The following PLEKHD1 variants were observed in gnomAD, a reference collection of about 807,000 sequenced individuals.
The protein encoded by PLEKHD1 is pleckstrin homology domain-containing family D member 1.
Under a neutral mutation model 69.2 loss-of-function variants are expected in PLEKHD1, and 51 were observed. The ratio of observed to expected loss-of-function variants is 0.74; its 90% CI spans 0.59 to 0.93. PLEKHD1 has a LOEUF of 0.93. Ranked by LOEUF, PLEKHD1 falls within the 40% of genes least tolerant of loss-of-function variation. The pLI is 0.00. For synonymous variants in PLEKHD1, 236 were observed against 244.7 expected (o/e 0.96, Z 0.33); for missense variants, 584 against 641.0 (o/e 0.91, Z 0.96).
intron 4 of PLEKHD1, chr14:69,501,445 T>TA (rs1293798740): frequency 8.5e-6 from 3 of 354,130 alleles, no homozygotes; most frequent in Non-Finnish European, 1.6e-5. Flanking sequence ...TTCAGTAATG[T>TA]AAAAAAGCCA....
At chr14:69,525,671 G>A (rs1015773202) in intron 8 of PLEKHD1, among the ~76,000 whole-genome samples, 6 of 152,112 alleles carry the variant, frequency 3.9e-5, no homozygotes, top group Non-Finnish European at 8.8e-5. Flanking sequence ...GAGGAACCAG[G>A]ACCCCAGAAG....
upstream of PLEKHD1, among the ~76,000 whole-genome samples, chr14:69,484,370 A>G (rs150329324): frequency 2.5e-3 from 378 of 152,232 alleles, 3 homozygotes; most frequent in Middle Eastern, 0.01. Flanking sequence ...CGAGGCGAGC[A>G]GGTGTCTGCA....
intron 1 of PLEKHD1, 82 bp downstream of exon 1, chr14:69,485,196 G>T: frequency 7.0e-7 from 1 of 1,437,470 alleles, no homozygotes; most frequent in Non-Finnish European, 9.4e-7. Context: ...TCCAGTCGCC[G>T]TCGTGCCTCT....
chr14:69,507,875 AT>A (rs1024465992), intron 6 of PLEKHD1, among the ~76,000 whole-genome samples: 1 of 151,876 alleles, frequency 6.6e-6, no homozygotes, highest in Non-Finnish European at 1.5e-5. Flanking sequence ...CACTTGGCTA[AT>A]TTTTTTAAAT....
At chr14:69,469,057 G>A in the PLEKHD1 span, among the ~76,000 whole-genome samples, 1 of 152,196 alleles carries the variant, frequency 6.6e-6, no homozygotes, top group African/African-American at 2.4e-5. Context: ...CTCTTTGGCA[G>A]ATCAAGGATT....
At chr14:69,525,879 G>A (rs1358592314) in intron 8 of PLEKHD1, 65 bp from the exon 9 acceptor site, 1 of 1,461,072 alleles carries the variant, frequency 6.8e-7, no homozygotes, top group African/African-American at 1.4e-5. Context: ...GGAAAAGCAG[G>A]TGAGGGCAGC....
chr14:69,512,953 A>T (rs779673267), intron 6 of PLEKHD1, among the ~76,000 whole-genome samples: 2 of 151,976 alleles, frequency 1.3e-5, no homozygotes, highest in Non-Finnish European at 2.9e-5. Context: ...CACCAGGGAT[A>T]GTGGCATATG....
At chr14:69,513,096 G>A (rs1050268708) in intron 6 of PLEKHD1, among the ~76,000 whole-genome samples, 1 of 151,990 alleles carries the variant, frequency 6.6e-6, no homozygotes, top group African/African-American at 2.4e-5. Context: ...GTGCATGCCT[G>A]TAATCCTAGC....
chr14:69,477,900 A>G, the PLEKHD1 span, among the ~76,000 whole-genome samples: 7 of 152,140 alleles, frequency 4.6e-5, no homozygotes, highest in Middle Eastern at 3.2e-3. Context: ...TGGATCTACC[A>G]TTCTGGGGTC....
At chr14:69,527,672 C>T (rs891507708) in intron 11 of PLEKHD1, 111 bp from the exon 12 acceptor site, 29 of 1,361,726 alleles carry the variant, frequency 2.1e-5, no homozygotes, top group South Asian at 7.1e-5. Flanking sequence ...TCTCGAGGGA[C>T]GGGGTCAAAA....
chr14:69,484,082 C>T (rs567890726), upstream of PLEKHD1, among the ~76,000 whole-genome samples: 4 of 152,378 alleles, frequency 2.6e-5, no homozygotes, highest in Admixed American at 2.6e-4. Flanking sequence ...GAAATCCGAT[C>T]CGATGCGCGC....
intron 1 of PLEKHD1, among the ~76,000 whole-genome samples, chr14:69,497,338 C>T (rs531098194): frequency 2.6e-5 from 4 of 152,350 alleles, no homozygotes; most frequent in African/African-American, 9.6e-5. Flanking sequence ...TATGAAATTC[C>T]CTTGGAACAG....
chr14:69,480,384 A>G (rs1181904524), upstream of PLEKHD1, among the ~76,000 whole-genome samples: 1 of 152,230 alleles, frequency 6.6e-6, no homozygotes, highest in Non-Finnish European at 1.5e-5. Context: ...GAGTCGCAGC[A>G]TTCCTGGGTC....
chr14:69,500,684 C>T lies in PLEKHD1; in HGVS notation c.333+18C>T, dbSNP rs1594979404. On this transcript the variant is annotated intron_variant, in intron 3 of 12. Coordinates refer to ENST00000322564, the MANE Select transcript of PLEKHD1 (RefSeq NM_001161498.2). ...ACTTCCATGTGAGTAAAGCTCTTCC[C>T]TCAGCCTGGGCTCCGCAGGAGCAGA... 3 of 1,549,672 alleles carry T rather than the reference C, an allele frequency of 1.9e-6. No individual in the cohort carries two copies. The highest frequency in any genetic ancestry group is 1.7e-6 in the Non-Finnish European group (2 of 1,145,946).
upstream of PLEKHD1, among the ~76,000 whole-genome samples, chr14:69,480,919 T>C (rs1366463245): frequency 6.6e-6 from 1 of 152,182 alleles, no homozygotes; most frequent in East Asian, 1.9e-4. Context: ...TCCCAAAATG[T>C]TGGAATTACA....
intron 6 of PLEKHD1, among the ~76,000 whole-genome samples, chr14:69,516,030 A>G (rs2139521796): frequency 1.3e-5 from 2 of 152,286 alleles, no homozygotes; most frequent in Middle Eastern, 6.8e-3. Flanking sequence ...TTATTTAGAG[A>G]CAGGGTCTCA....
chr14:69,470,770 C>CTTTT, the PLEKHD1 span, among the ~76,000 whole-genome samples: 1 of 149,956 alleles, frequency 6.7e-6, no homozygotes, highest in Non-Finnish European at 1.5e-5. Context: ...TCTTGTCTTT[C>CTTTT]TTTTTTTTTT....
the PLEKHD1 span, among the ~76,000 whole-genome samples, chr14:69,471,090 CTTTTTTTTTTTTTTTTTT>C: frequency 1.6e-4 from 7 of 44,720 alleles, no homozygotes; most frequent in East Asian, 6.9e-4. Flanking sequence ...CGTGCCTGGC[CTTTTTTTTTTTTTTTTTT>C]TTTTTTTTTT....
At chr14:69,497,606 C>G (rs2139501752) in intron 1 of PLEKHD1, among the ~76,000 whole-genome samples, 1 of 152,362 alleles carries the variant, frequency 6.6e-6, no homozygotes, top group African/African-American at 2.4e-5. Context: ...ACTCCATGTG[C>G]AGGACCACGC....
Sources: gnomAD v4.1 joint callset for allele counts (sites outside exome capture counted in the v4.1 genomes callset) on GRCh38, gnomAD v4.1.1 for gene constraint, MANE v1.5 for transcripts, NCBI Gene and HGNC (gene_info 2026-07-23, HGNC 2026-07-21) for gene names.